DLGAP2: variants seen among roughly 807,000 people sequenced by gnomAD.
The protein encoded by DLGAP2 is DLG associated protein 2.
Under a neutral mutation model 100.3 loss-of-function variants are expected in DLGAP2, and 26 were observed. That is an observed-to-expected ratio of 0.26 (90% confidence interval 0.19 to 0.36). The LOEUF is 0.36. Among genes scored for constraint, DLGAP2 ranks in the 10% least tolerant of loss-of-function variants. The probability of loss-of-function intolerance (pLI) is 1.00; values close to 1 mark genes in which losing one functional copy is unlikely to be tolerated. For missense variants in DLGAP2, 1,858 were observed against 1,453.2 expected (o/e 1.28, Z -4.53); for synonymous variants, 886 against 630.1 (o/e 1.41, Z -6.08).
intron 2 of DLGAP2, among the ~76,000 whole-genome samples, chr8:1,179,352 G>C (rs1797331235): frequency 1.3e-5 from 2 of 152,228 alleles, no homozygotes; most frequent in Admixed American, 1.3e-4. Flanking sequence ...AGCTGAGGCT[G>C]TGGGTGGAGG....
intron 1 of DLGAP2, among the ~76,000 whole-genome samples, chr8:754,928 C>G (rs760181761): frequency 7.9e-5 from 12 of 152,174 alleles, no homozygotes; most frequent in Non-Finnish European, 1.3e-4. Flanking sequence ...GTAAATCATC[C>G]TAGCAATTTG....
At chr8:1,255,181 T>G (rs1799165249) in intron 2 of DLGAP2, among the ~76,000 whole-genome samples, 1 of 100,002 alleles carries the variant, frequency 1.0e-5, no homozygotes, top group Non-Finnish European at 1.9e-5. Context: ...GTGTGCCCTC[T>G]CATCCTGCCT....
intron 1 of DLGAP2, among the ~76,000 whole-genome samples, chr8:786,267 G>C (rs1585861591): frequency 6.6e-6 from 1 of 152,180 alleles, no homozygotes; most frequent in East Asian, 1.9e-4. Flanking sequence ...AAAGCCTGCA[G>C]AGAGGGTGCA....
At chr8:1,081,026 A>G (rs1318649431) in intron 2 of DLGAP2, among the ~76,000 whole-genome samples, 2 of 152,248 alleles carry the variant, frequency 1.3e-5, no homozygotes, top group Admixed American at 6.5e-5. Flanking sequence ...TGTGTTTGGT[A>G]TATTAAATTT....
At chr8:908,095 G>T (rs1390362651) in intron 2 of DLGAP2, 129 bp downstream of exon 2, 1 of 393,148 alleles carries the variant, frequency 2.5e-6, no homozygotes, top group Admixed American at 4.4e-5. Flanking sequence ...GTGCAAGATT[G>T]CGTATTAACT....
intron 3 of DLGAP2, among the ~76,000 whole-genome samples, chr8:1,417,532 T>G (rs966698375): frequency 1.3e-5 from 2 of 151,386 alleles, no homozygotes; most frequent in African/African-American, 4.9e-5. Context: ...AGCACAGGTG[T>G]GAATGCAATG....
intron 2 of DLGAP2, among the ~76,000 whole-genome samples, chr8:1,001,019 T>C (rs1373675266): frequency 6.6e-6 from 1 of 152,166 alleles, no homozygotes. Flanking sequence ...AATCAGGAGG[T>C]GTCGATGACA....
At chr8:1,235,530 A>G (rs1406468786) in intron 2 of DLGAP2, among the ~76,000 whole-genome samples, 89 of 17,746 alleles carry the variant, frequency 5.0e-3, no homozygotes, top group Middle Eastern at 0.12. Context: ...ACAGAGCATC[A>G]TGTCTAGTTC....
At chr8:1,202,157 G>T (rs914690587) in intron 2 of DLGAP2, among the ~76,000 whole-genome samples, 3 of 151,792 alleles carry the variant, frequency 2.0e-5, no homozygotes, top group Admixed American at 6.6e-5. Flanking sequence ...CATGTGGTGT[G>T]TACAGTATCT....
intron 1 of DLGAP2, among the ~76,000 whole-genome samples, chr8:817,515 T>A (rs1054083838): frequency 3.3e-5 from 5 of 152,206 alleles, no homozygotes; most frequent in African/African-American, 1.2e-4. Flanking sequence ...GGTAATATGA[T>A]CTTTTGGGGG....
At chr8:830,989 G>T (rs958402476) in intron 1 of DLGAP2, among the ~76,000 whole-genome samples, 1 of 150,502 alleles carries the variant, frequency 6.6e-6, no homozygotes, top group Non-Finnish European at 1.5e-5. Context: ...TTTGCCTCCC[G>T]AGTTCAAGCG....
intron 5 of DLGAP2, among the ~76,000 whole-genome samples, chr8:1,558,310 G>T (rs1372273381): frequency 2.0e-5 from 3 of 152,178 alleles, no homozygotes; most frequent in Non-Finnish European, 4.4e-5. Context: ...GCTGTAGTGT[G>T]GCCCACAGGT....
In DLGAP2 at chr8:1,632,748, G is replaced by C. The variant is rs115628832; in HGVS notation, c.1591-79G>C. On this transcript the variant is annotated intron_variant, in intron 7 of 14. Coordinates refer to ENST00000637795, the MANE Select transcript of DLGAP2 (RefSeq NM_001346810.2). Reference sequence around the variant, plus strand: ...GCAGTGAAAGGCAGCCTGGGAATGAGCGCGCTCTCCTGGCTTTTCTGTAAC... The same window carrying C: ...GCAGTGAAAGGCAGCCTGGGAATGACCGCGCTCTCCTGGCTTTTCTGTAAC... 12 of 1,407,478 alleles carry C rather than the reference G, an allele frequency of 8.5e-6. No individual in the cohort carries two copies. In the African/African-American group the frequency reaches 1.7e-4, roughly 20 times the overall value. 87.2% of individuals were successfully genotyped at this position (1,407,478 alleles called of 1,614,324 possible). A position where few individuals can be genotyped will look rare whatever the true frequency, so the allele number is the denominator to read the frequency against.
chr8:1,033,030 A>G (rs989856557), intron 2 of DLGAP2: 15 of 152,260 alleles, frequency 9.9e-5, no homozygotes, highest in African/African-American at 2.9e-4. Flanking sequence ...GTGGGACAGT[A>G]AATCTGCAAA....
intron 3 of DLGAP2, among the ~76,000 whole-genome samples, chr8:1,416,835 A>G (rs1428481747): frequency 6.6e-6 from 1 of 152,116 alleles, no homozygotes; most frequent in Non-Finnish European, 1.5e-5. Context: ...CTCCTCAGAC[A>G]TTTGTTGCAA....
At chr8:866,546 T>A (rs901582482) in intron 1 of DLGAP2, among the ~76,000 whole-genome samples, 9 of 152,098 alleles carry the variant, frequency 5.9e-5, no homozygotes, top group African/African-American at 1.9e-4. Context: ...GTCAGTTGAT[T>A]CTGAAAAGAA....
At chr8:1,225,870 G>A (rs1387531663) in intron 2 of DLGAP2, among the ~76,000 whole-genome samples, 1 of 152,112 alleles carries the variant, frequency 6.6e-6, no homozygotes, top group Non-Finnish European at 1.5e-5. Flanking sequence ...AAAAGTTTAA[G>A]CAGGTTGATT....
At chr8:1,345,869 T>C (rs1240348057) in intron 3 of DLGAP2, among the ~76,000 whole-genome samples, 1 of 152,234 alleles carries the variant, frequency 6.6e-6, no homozygotes, top group Non-Finnish European at 1.5e-5. Flanking sequence ...TCATTATCGC[T>C]AGTGGTTGCC....
At chr8:1,194,020 A>G (rs1013056539) in intron 2 of DLGAP2, among the ~76,000 whole-genome samples, 1 of 152,164 alleles carries the variant, frequency 6.6e-6, no homozygotes, top group Non-Finnish European at 1.5e-5. Context: ...CCTTGGCATT[A>G]CCGGGACCAA....
Sources: gnomAD v4.1 joint callset for allele counts (sites outside exome capture counted in the v4.1 genomes callset) on GRCh38, gnomAD v4.1.1 for gene constraint, MANE v1.5 for transcripts, NCBI Gene and HGNC (gene_info 2026-07-23, HGNC 2026-07-21) for gene names.